Variants in TTK observed in about 807,000 individuals in gnomAD.
TTK encodes the protein dual specificity protein kinase TTK.
In TTK, 59 loss-of-function variants were observed where a neutral mutation model predicts 117.3. That is an observed-to-expected ratio of 0.50 (90% CI 0.41 to 0.62). The LOEUF is 0.62. Ranked by LOEUF, TTK falls within the 20% of genes least tolerant of loss-of-function variation. TTK has a pLI of 0.00. For synonymous variants in TTK, 302 were observed against 325.0 expected (o/e 0.93, Z 0.76); for missense variants, 921 against 989.4 (o/e 0.93, Z 0.93).
chr6:80,039,954 A>C, intron 19 of TTK, 82 bp downstream of exon 19: 3 of 1,171,376 alleles, frequency 2.6e-6, no homozygotes, highest in Non-Finnish European at 3.4e-6. Context: ...GCTTAGATAT[A>C]ACTGTTCTAT....
chr6:80,035,188 T>C (rs1012899469), intron 15 of TTK, 46 bp downstream of exon 15: 1 of 1,529,326 alleles, frequency 6.5e-7, no homozygotes, highest in African/African-American at 1.4e-5. Context: ...TTGCCATAAT[T>C]CTTCAGGTAA....
chr6:80,018,870 T>C (rs1767385499), intron 10 of TTK, among the ~76,000 whole-genome samples: 1 of 152,146 alleles, frequency 6.6e-6, no homozygotes, highest in African/African-American at 2.4e-5. Context: ...TGTTTTATAC[T>C]GAGGCTACTA....
In TTK at chr6:80,040,182, C is replaced by G. The variant is rs1372293190; in HGVS notation, c.2308-14C>G. ...CTGCTTTGTTTTTCTTTTAAAATATCTTTGTTTTAATAGTGTTGTTTAAAA... is the reference window on the plus strand; with the variant it reads ...CTGCTTTGTTTTTCTTTTAAAATATGTTTGTTTTAATAGTGTTGTTTAAAA... On this transcript the variant is annotated splice_polypyrimidine_tract_variant and intron_variant, in intron 19 of 21. Transcript: ENST00000369798. 19 of 1,533,472 alleles carry G rather than the reference C, an allele frequency of 1.2e-5. No individual in the cohort carries two copies. In the Admixed American group the frequency reaches 1.9e-4, roughly 15 times the overall value. 95.0% of individuals were successfully genotyped at this position (1,533,472 alleles called of 1,614,324 possible). A position where few individuals can be genotyped will look rare whatever the true frequency, so the allele number is the denominator to read the frequency against.
Position 80,040,231 on chromosome 6 carries a change from C to G in TTK, c.2343C>G (p.Ser781=). The change falls in exon 20 of 22, where the codon TCC becomes TCG. Residue 781 remains serine, a synonymous_variant. Transcript: ENST00000369798. ...CLKRDPKQRI[S]IPELLAHPYV... Reference sequence around the variant, plus strand: ...AAAGGGACCCAAAACAGAGGATATCCATTCCTGAGCTCCTGGCTCATCCAT... The same window carrying G: ...AAAGGGACCCAAAACAGAGGATATCGATTCCTGAGCTCCTGGCTCATCCAT... The G allele has an allele frequency of 6.3e-7, 1 of 1,590,592 alleles. No homozygotes were observed. The highest frequency in any genetic ancestry group is 8.6e-7 in the Non-Finnish European group (1 of 1,169,444).
chr6:80,026,529 C>T lies in TTK; in HGVS notation c.1394+15C>T, dbSNP rs1431483594. The T allele has an allele frequency of 2.5e-6, 4 of 1,612,276 alleles. No individual in the cohort carries two copies. Among genetic ancestry groups the T allele is most frequent in the South Asian group, 1.1e-5 (1 of 90,548 alleles). ...TACATGAGCTGGTAATTACTTTGGC[C>T]CCTTGCTTGATTGGCAGGGTGGTAT... On this transcript the variant is annotated intron_variant, in intron 12 of 21. Transcript: ENST00000369798.
intron 1 of TTK, among the ~76,000 whole-genome samples, chr6:80,005,200 C>G (rs544180651): frequency 4.9e-4 from 74 of 151,138 alleles, no homozygotes; most frequent in African/African-American, 1.8e-3. Flanking sequence ...CACAAAGATA[C>G]GATTAACAAT....
At chr6:80,017,839 T>G (rs2127673512) in intron 10 of TTK, among the ~76,000 whole-genome samples, 1 of 152,364 alleles carries the variant, frequency 6.6e-6, no homozygotes, top group East Asian at 1.9e-4. Context: ...TTTCATTCAT[T>G]TAAAGTAATG....
chr6:80,037,111 C>T (rs1562025536), intron 17 of TTK, among the ~76,000 whole-genome samples: 1 of 152,022 alleles, frequency 6.6e-6, no homozygotes, highest in Non-Finnish European at 1.5e-5. Context: ...AACTAAAAGA[C>T]GTTGTTCTAT....
Position 80,042,262 on chromosome 6 carries a change from T to G in TTK, c.*60T>G. Reference sequence around the variant, plus strand: ...AAAATATATTGGACTGTTATACTCTTGAATCCCTGTGGAAATCTACATTTG... The same window carrying G: ...AAAATATATTGGACTGTTATACTCTGGAATCCCTGTGGAAATCTACATTTG... On this transcript the variant is annotated 3_prime_UTR_variant, in exon 22 of 22. Transcript: ENST00000369798. 1 of 1,313,332 alleles carries G rather than the reference T, an allele frequency of 7.6e-7. No individual in the cohort carries two copies. The highest frequency in any genetic ancestry group is 1.1e-6 in the Non-Finnish European group (1 of 942,590). 81.4% of individuals were successfully genotyped at this position (1,313,332 alleles called of 1,614,324 possible).
intron 8 of TTK, among the ~76,000 whole-genome samples, chr6:80,012,746 A>G (rs1405294425): frequency 6.6e-6 from 1 of 152,104 alleles, no homozygotes; most frequent in African/African-American, 2.4e-5. Context: ...TTGTTTGTCA[A>G]GGTTAAGCTT....
At chr6:80,038,091 G>A in intron 18 of TTK, 44 bp downstream of exon 18, 1 of 1,394,304 alleles carries the variant, frequency 7.2e-7, no homozygotes, top group Non-Finnish European at 1.0e-6. Context: ...GGCAACAGTA[G>A]GGAATGCACT....
intron 4 of TTK, 64 bp from the exon 5 acceptor site, chr6:80,010,750 C>A: frequency 2.1e-6 from 3 of 1,450,590 alleles, no homozygotes; most frequent in African/African-American, 3.7e-5. Context: ...GAATACGTAT[C>A]TGGGTGGTCT....
chr6:80,016,570 C>T (rs1436562088), intron 10 of TTK, among the ~76,000 whole-genome samples: 1 of 151,954 alleles, frequency 6.6e-6, no homozygotes, highest in Non-Finnish European at 1.5e-5. Flanking sequence ...GTTGGTTTTT[C>T]TTTCTTTTTC....
chr6:80,041,254 G>A (rs1768043155), intron 21 of TTK, among the ~76,000 whole-genome samples: 1 of 151,694 alleles, frequency 6.6e-6, no homozygotes, highest in African/African-American at 2.4e-5. Flanking sequence ...TACTAATTAT[G>A]TATTTCAGTT....
intron 11 of TTK, among the ~76,000 whole-genome samples, chr6:80,023,961 C>T (rs1305057068): frequency 6.6e-6 from 1 of 152,158 alleles, no homozygotes; most frequent in Non-Finnish European, 1.5e-5. Flanking sequence ...ACCAGCATCT[C>T]CTCTTTTTTT....
Position 80,010,944 on chromosome 6 carries a change from G to C in TTK, c.600G>C (p.Lys200Asn), listed in dbSNP as rs1562011766. Residue 200 changes from lysine to asparagine, a missense_variant, in exon 5 of 22, where the codon AAG becomes AAC. Physicochemically the swap from Lys to Asn is moderately conservative, Grantham distance 94 (BLOSUM62 0). Coordinates refer to ENST00000369798, the MANE Select transcript of TTK (RefSeq NM_003318.5). ...QKKQLLSEEEKKNLSASTVLT... is the reference protein window; with the variant it reads ...QKKQLLSEEENKNLSASTVLT... ...AGCAGCTGCTTTCAGAGGAGGAAAA[G>C]AAGAATTTATCAGGTAACTATTAAG... 5.0e-6 allele frequency: 8 copies of C among 1,611,778 alleles called. No homozygotes were observed. Among genetic ancestry groups the C allele is most frequent in the Non-Finnish European group, 5.9e-6 (7 of 1,178,402 alleles).
At chr6:80,013,512 C>A (rs17174951) in intron 9 of TTK, 146 bp downstream of exon 9, 90,855 of 612,432 alleles carry the variant, frequency 0.15, 7,691 homozygotes, top group South Asian at 0.19. Flanking sequence ...TGTGGGACTA[C>A]GAGTGGGAAG....
rs778729501 is a variant in TTK at position 80,013,288 on chromosome 6, T to A, written c.906T>A (p.Ser302=). 2.5e-5 allele frequency: 40 copies of A among 1,597,840 alleles called. 1 individual carries two copies. The South Asian group carries it at 4.3e-4, about 17-fold the overall frequency. ...GTTTCACGGGTAAAAGACAAACCTC[T>A]AGATCAGAATGCCGAGATTTGGTTG... ...VVPCFMKRQT[S]RSECRDLVVP... The change falls in exon 9 of 22, where the codon TCT becomes TCA. Residue 302 remains serine (S), a synonymous_variant. Transcript: ENST00000369798.
rs1767846248 is a variant in TTK at position 80,034,616 on chromosome 6, C to T, written c.1615-369C>T. Among the ~76,000 whole-genome samples, 3 of 152,310 alleles carry T rather than the reference C, an allele frequency of 2.0e-5. No homozygotes were observed. The South Asian group carries it at 6.2e-4, about 32-fold the overall frequency. ...TAGTTGGGATTAAAGGAGCAAACTA[C>T]TGCACCAGGCTTGTCCTTAACATTT... On this transcript the variant is annotated intron_variant, in intron 14 of 21. Transcript: ENST00000369798.
Sources: allele counts gnomAD v4.1 joint callset (sites outside exome capture counted in the v4.1 genomes callset), GRCh38; gene constraint gnomAD v4.1.1; transcripts MANE v1.5; gene names NCBI Gene and HGNC (gene_info 2026-07-23, HGNC 2026-07-21).